Variants in CEP85 observed in about 807,000 individuals in gnomAD.
CEP85 encodes centrosomal protein 85.
A neutral mutation model predicts 93.7 loss-of-function variants in CEP85; 58 were observed. That is an observed-to-expected ratio of 0.62 (90% CI 0.50 to 0.77). The LOEUF is 0.77. Ranked by LOEUF, CEP85 falls within the 30% of genes least tolerant of loss-of-function variation. The pLI is 0.00. For synonymous variants in CEP85, 314 were observed against 338.6 expected (o/e 0.93, Z 0.80); for missense variants, 868 against 922.0 (o/e 0.94, Z 0.76).
rs368043640 is a variant in CEP85, at chr1:26,236,407, TC to T, written c.-23+2101del. On this transcript the variant is annotated intron_variant, in intron 1 of 13. Coordinates refer to ENST00000451429, the MANE Select transcript of CEP85 (RefSeq NM_001319944.2). ...TCCTGTTGGGTGCTTTTTTTTTTTT[TC>T]CCCTCTGTCTGCCTCCATTCACTCC... Among the ~76,000 whole-genome samples, 1,202 of 149,278 alleles carry T rather than the reference TC, an allele frequency of 8.1e-3. 11 individuals carry two copies. Among genetic ancestry groups the T allele is most frequent in the African/African-American group, 0.022 (915 of 40,948 alleles).
intron 3 of CEP85, among the ~76,000 whole-genome samples, chr1:26,245,979 C>CAA (rs11403503): frequency 1.8e-4 from 26 of 148,016 alleles, no homozygotes; most frequent in African/African-American, 3.7e-4. Context: ...GACCCTGTCT[C>CAA]AAAAAAAAAA....
chr1:26,272,207 G>T, intron 11 of CEP85, 136 bp downstream of exon 11: 1 of 822,980 alleles, frequency 1.2e-6, no homozygotes. Context: ...CCCAGTCAGT[G>T]CTTTTGAGCC....
intron 2 of CEP85, among the ~76,000 whole-genome samples, chr1:26,241,446 A>G (rs28396236): frequency 0.16 from 25,028 of 151,714 alleles, 2,155 homozygotes; most frequent in Middle Eastern, 0.21. Context: ...GGGTTTCACC[A>G]TGTTAGCCAG....
chr1:26,238,709 A>T (rs941031184), intron 1 of CEP85, among the ~76,000 whole-genome samples: 2 of 152,202 alleles, frequency 1.3e-5, no homozygotes, highest in Non-Finnish European at 2.9e-5. Context: ...TATGAAGAAA[A>T]TGAGGAACAG....
chr1:26,257,087 C>T (rs111524787), intron 4 of CEP85, among the ~76,000 whole-genome samples: 25,098 of 151,918 alleles, frequency 0.17, 2,175 homozygotes, highest in Middle Eastern at 0.21. Context: ...CATGCCACCA[C>T]GCCTGGCTAA....
At chr1:26,257,781 T>C in intron 5 of CEP85, 51 bp downstream of exon 5, 7 of 1,599,740 alleles carry the variant, frequency 4.4e-6, no homozygotes, top group Non-Finnish European at 6.0e-6. Flanking sequence ...CAGGCCCCAT[T>C]GAAGACACCT....
chr1:26,241,840 C>G lies in CEP85; in HGVS notation c.55+2002C>G, dbSNP rs2089432082. The stretch of plus-strand genomic sequence containing the variant: ...GCAGTGGCACAATCTCAGCTCACTG[C>G]AACTTCTGTCTCCTGGGTTTAAGTG... On this transcript the variant is annotated intron_variant, in intron 2 of 13. Transcript: ENST00000451429. Among the ~76,000 whole-genome samples, 2 of 151,872 alleles carry G rather than the reference C, an allele frequency of 1.3e-5. 1 individual carries two copies. The highest frequency in any genetic ancestry group is 4.1e-4 in the South Asian group (2 of 4,824).
At chr1:26,237,769 A>G (rs149461822) in intron 1 of CEP85, among the ~76,000 whole-genome samples, 1 of 152,230 alleles carries the variant, frequency 6.6e-6, no homozygotes, top group Non-Finnish European at 1.5e-5. Context: ...CGTATTTTCA[A>G]CTTGTCTGAA....
intron 9 of CEP85, 133 bp downstream of exon 9, chr1:26,269,747 CTG>C (rs1227944414): frequency 1.9e-6 from 1 of 536,846 alleles, no homozygotes; most frequent in African/African-American, 2.0e-5. Flanking sequence ...TTTCTTTGGA[CTG>C]TGAATAATAG....
At chr1:26,270,021 C>A (rs2089951337) in intron 9 of CEP85, among the ~76,000 whole-genome samples, 1 of 151,968 alleles carries the variant, frequency 6.6e-6, no homozygotes, top group Non-Finnish European at 1.5e-5. Flanking sequence ...CGTGATCCAC[C>A]CTCCTTGGCC....
At chr1:26,236,956 G>A (rs180774438) in intron 1 of CEP85, among the ~76,000 whole-genome samples, 1 of 152,298 alleles carries the variant, frequency 6.6e-6, no homozygotes, top group East Asian at 1.9e-4. Flanking sequence ...ACATTTTATT[G>A]TACAGATGAA....
At chr1:26,237,645 A>G (rs1336571888) in intron 1 of CEP85, among the ~76,000 whole-genome samples, 2 of 152,164 alleles carry the variant, frequency 1.3e-5, no homozygotes, top group African/African-American at 4.8e-5. Flanking sequence ...TAATGCTGCT[A>G]CGAACATTCT....
At chr1:26,275,117 G>A (rs761707421) in intron 12 of CEP85, 46 bp downstream of exon 12, 29 of 1,434,008 alleles carry the variant, frequency 2.0e-5, no homozygotes, top group Middle Eastern at 1.8e-4. Flanking sequence ...CCACAAACCC[G>A]ATTTCTTTGT....
intron 12 of CEP85, 61 bp from the exon 13 acceptor site, chr1:26,276,474 G>GCC: frequency 2.2e-6 from 3 of 1,347,728 alleles, no homozygotes; most frequent in Non-Finnish European, 2.1e-6. Flanking sequence ...ACACACTCAT[G>GCC]CACAGATACT....
chr1:26,274,787 A>C (rs1221228113), intron 11 of CEP85, among the ~76,000 whole-genome samples, 177 bp from the exon 12 acceptor site: 1 of 152,200 alleles, frequency 6.6e-6, no homozygotes, highest in Non-Finnish European at 1.5e-5. Flanking sequence ...GTATGTGGTC[A>C]AGGGCTATAG....
intron 1 of CEP85, among the ~76,000 whole-genome samples, chr1:26,238,640 T>C (rs1208224996): frequency 2.0e-5 from 3 of 152,224 alleles, no homozygotes; most frequent in Admixed American, 6.5e-5. Flanking sequence ...CAGGAACTGT[T>C]GTAAGTTAAT....
chr1:26,277,016 CT>C (rs2090063362), intron 13 of CEP85, 119 bp from the exon 14 acceptor site: 14 of 1,121,826 alleles, frequency 1.2e-5, no homozygotes, highest in Admixed American at 2.2e-5. Context: ...TCCCCAGATG[CT>C]TTTTTTAAAG....
chr1:26,244,202 C>T lies in CEP85; in HGVS notation c.92C>T (p.Thr31Ile). Residue 31 changes from threonine (T) to isoleucine (I), a missense_variant, in exon 3 of 14, where the codon ACT becomes ATT. By Grantham distance (89) the Thr-to-Ile change is moderately conservative. Transcript: ENST00000451429. ...DVIQKGSSLG[T>I]EWQTPVISEP... ...ATTCAGAAGGGCAGTTCCCTGGGGA[C>T]TGAATGGCAGACCCCAGTTATCTCG... 6.2e-7 allele frequency: 1 copy of T among 1,613,534 alleles called. No individual in the cohort carries two copies. The highest frequency in any genetic ancestry group is 8.5e-7 in the Non-Finnish European group (1 of 1,179,934).
intron 3 of CEP85, among the ~76,000 whole-genome samples, chr1:26,251,467 T>G (rs2089614622): frequency 6.6e-6 from 1 of 150,412 alleles, no homozygotes. Context: ...ATCAGGCTGG[T>G]CTCAAACTCC....
Sources: allele counts gnomAD v4.1 joint callset (sites outside exome capture counted in the v4.1 genomes callset), GRCh38; gene constraint gnomAD v4.1.1; transcripts MANE v1.5; gene names NCBI Gene and HGNC (gene_info 2026-07-23, HGNC 2026-07-21).